PRORP: variants seen among roughly 807,000 people sequenced by gnomAD.
The protein encoded by PRORP is protein only RNase P catalytic subunit.
PRORP carries 51 observed loss-of-function variants against 59.4 expected under a neutral mutation model. That is an observed-to-expected ratio of 0.86 (90% CI 0.69 to 1.08). The LOEUF (loss-of-function observed/expected upper bound fraction) is 1.08. PRORP is among the 50% of genes least tolerant of loss of function. The pLI is 0.00. For synonymous variants in PRORP, 231 were observed against 245.6 expected (o/e 0.94, Z 0.55); for missense variants, 646 against 690.3 (o/e 0.94, Z 0.72).
rs1595271492 is a variant in PRORP, at chr14:35,189,073, A to G, written c.1275+8296A>G. ...TTTGCATTGTTAGGGAAATAGTTCA[A>G]TCTTGAGTACCTGATAAACCAACAT... On this transcript the variant is annotated intron_variant, in intron 5 of 7. Transcript: ENST00000534898. 3.9e-5 allele frequency among the ~76,000 whole-genome samples: 6 copies of G among 152,208 alleles called. 1 individual carries two copies.
chr14:35,210,582 C>T (rs917554024), intron 5 of PRORP, among the ~76,000 whole-genome samples: 1 of 151,264 alleles, frequency 6.6e-6, no homozygotes, highest in South Asian at 2.1e-4. Flanking sequence ...GGAAGAGGCT[C>T]ATGTTGATAA....
chr14:35,264,424 A>AT lies in PRORP; in HGVS notation c.1276-2290dup, dbSNP rs780130793. Among the ~76,000 whole-genome samples, 602 of 144,652 alleles carry AT rather than the reference A, an allele frequency of 4.2e-3. 7 individuals carry two copies. The highest frequency in any genetic ancestry group is 0.023 in the Admixed American group (328 of 14,390). The allele number at this position is 144,652 out of a possible 152,430, so 94.9% of individuals were successfully genotyped here. A position where few individuals can be genotyped will look rare whatever the true frequency, so the allele number is the denominator to read the frequency against. The stretch of plus-strand genomic sequence containing the variant: ...GGTGAGAGCCACCGTGCCTGGCCTA[A>AT]TTTTTTTTTTTTTAATAGAGACGAG... On this transcript the variant is annotated intron_variant, in intron 5 of 7. Transcript: ENST00000534898.
At position 35,123,700 on chromosome 14, in the gene PRORP, A is replaced by AT. The variant is rs765779047; in HGVS notation, c.456dup (p.Ser153Ter). 1 of 1,614,248 alleles carries AT rather than the reference A, an allele frequency of 6.2e-7. No homozygotes were observed. Among genetic ancestry groups the AT allele is most frequent in the Non-Finnish European group, 8.5e-7 (1 of 1,180,054 alleles). On this transcript the variant is annotated frameshift_variant, in exon 2 of 8. Coordinates refer to ENST00000534898, the MANE Select transcript of PRORP (RefSeq NM_014672.4). LOFTEE classifies it high-confidence loss of function. ...ATCATTTCACAGATGGCTGGCTGTCATAGCTCTATAGATGTGGCTAAATCT... is the reference window on the plus strand; with the variant it reads ...ATCATTTCACAGATGGCTGGCTGTCATTAGCTCTATAGATGTGGCTAAATCT...
chr14:35,263,874 CTTTGAG>C (rs2050969470), intron 5 of PRORP, among the ~76,000 whole-genome samples: 1 of 152,002 alleles, frequency 6.6e-6, no homozygotes, highest in African/African-American at 2.4e-5. Context: ...AGTTGTAAAT[CTTTGAG>C]TTTGGTGTCC....
intron 5 of PRORP, among the ~76,000 whole-genome samples, chr14:35,204,968 A>T (rs1277009778): frequency 6.6e-6 from 1 of 152,208 alleles, no homozygotes; most frequent in Non-Finnish European, 1.5e-5. Flanking sequence ...CTAATAAGGT[A>T]TTATTTTTAT....
At chr14:35,190,565 G>A (rs2048858000) in intron 5 of PRORP, among the ~76,000 whole-genome samples, 1 of 151,920 alleles carries the variant, frequency 6.6e-6, no homozygotes, top group Admixed American at 6.6e-5. Flanking sequence ...GAGTGCAGTG[G>A]CATGATCTTG....
intron 5 of PRORP, among the ~76,000 whole-genome samples, chr14:35,227,176 G>A (rs895290313): frequency 2.0e-5 from 3 of 151,864 alleles, no homozygotes; most frequent in African/African-American, 7.3e-5. Context: ...AGGCGCGGTG[G>A]CTCATGCCTG....
chr14:35,246,937 C>T (rs1291039442), intron 5 of PRORP, among the ~76,000 whole-genome samples: 2 of 152,108 alleles, frequency 1.3e-5, no homozygotes, highest in African/African-American at 4.8e-5. Flanking sequence ...GTCCCGATTG[C>T]GTAGTAATAG....
chr14:35,184,890 A>G (rs2048706542), intron 5 of PRORP, among the ~76,000 whole-genome samples: 2 of 152,182 alleles, frequency 1.3e-5, no homozygotes, highest in African/African-American at 2.4e-5. Context: ...TCCATGTTGT[A>G]TATGTGCCAC....
At chr14:35,208,412 C>A (rs755553301) in intron 5 of PRORP, among the ~76,000 whole-genome samples, 6 of 152,056 alleles carry the variant, frequency 3.9e-5, no homozygotes, top group Non-Finnish European at 8.8e-5. Flanking sequence ...AGTGAAGCCC[C>A]ATCTCTAAAA....
intron 5 of PRORP, among the ~76,000 whole-genome samples, chr14:35,254,905 C>A (rs1346072241): frequency 1.3e-5 from 2 of 152,086 alleles, no homozygotes; most frequent in African/African-American, 2.4e-5. Context: ...GAGCCTCCAC[C>A]TTCAACTTGC....
intron 5 of PRORP, among the ~76,000 whole-genome samples, chr14:35,196,354 T>C (rs1321808833): frequency 6.6e-6 from 1 of 151,932 alleles, no homozygotes; most frequent in Non-Finnish European, 1.5e-5. Flanking sequence ...ATAAGCTGGG[T>C]ATGGTAGCAC....
chr14:35,150,950 GTCTTA>G (rs2047729862), intron 4 of PRORP, among the ~76,000 whole-genome samples: 1 of 152,186 alleles, frequency 6.6e-6, no homozygotes, highest in Non-Finnish European at 1.5e-5. Flanking sequence ...GGGCAAGAGA[GTCTTA>G]TCTTTCTTAC....
At chr14:35,154,110 A>T (rs2047851954) in intron 4 of PRORP, among the ~76,000 whole-genome samples, 2 of 152,306 alleles carry the variant, frequency 1.3e-5, no homozygotes, top group African/African-American at 2.4e-5. Context: ...AGGCTTTCTA[A>T]CTAACACATA....
At chr14:35,186,421 T>G (rs751363489) in intron 5 of PRORP, among the ~76,000 whole-genome samples, 3 of 151,866 alleles carry the variant, frequency 2.0e-5, no homozygotes, top group Non-Finnish European at 4.4e-5. Context: ...CACAATTCAG[T>G]GGTTTTTACT....
At chr14:35,145,248 C>T (rs1223743912) in intron 4 of PRORP, among the ~76,000 whole-genome samples, 1 of 145,112 alleles carries the variant, frequency 6.9e-6, no homozygotes, top group African/African-American at 2.4e-5. Context: ...GCTGGGATTA[C>T]AGGCGTGAGC....
At chr14:35,207,611 T>TA (rs1169560135) in intron 5 of PRORP, among the ~76,000 whole-genome samples, 4 of 152,232 alleles carry the variant, frequency 2.6e-5, no homozygotes, top group Non-Finnish European at 4.4e-5. Flanking sequence ...AAGAATGTGT[T>TA]ATAGTGAACG....
At chr14:35,258,723 GT>G (rs1594350109) in intron 5 of PRORP, among the ~76,000 whole-genome samples, 1 of 152,250 alleles carries the variant, frequency 6.6e-6, no homozygotes, top group East Asian at 1.9e-4. Context: ...GGAGGTATTA[GT>G]TCTGGGATCA....
chr14:35,201,035 C>A (rs571785860), intron 5 of PRORP, among the ~76,000 whole-genome samples: 1 of 152,178 alleles, frequency 6.6e-6, no homozygotes, highest in East Asian at 1.9e-4. Flanking sequence ...GAATAATGGT[C>A]AAATATTTTG....
Sources: allele counts gnomAD v4.1 joint callset (sites outside exome capture counted in the v4.1 genomes callset), GRCh38; gene constraint gnomAD v4.1.1; transcripts MANE v1.5; gene names NCBI Gene and HGNC (gene_info 2026-07-23, HGNC 2026-07-21).